ACTN4: variants seen among roughly 807,000 people sequenced by gnomAD.
The protein encoded by ACTN4 is actinin alpha 4, also known as alpha-actinin-4.
A neutral mutation model predicts 114.2 loss-of-function variants in ACTN4; 18 were observed. That is an observed-to-expected ratio of 0.16 (90% CI 0.11 to 0.23). The LOEUF is 0.23. Among genes scored for constraint, ACTN4 ranks in the 10% least tolerant of loss-of-function variants. The pLI is 1.00. For missense variants in ACTN4, 722 were observed against 1,262.9 expected, an observed-to-expected ratio of 0.57 and a Z score of 6.49; for synonymous variants, 515 against 506.3, an observed-to-expected ratio of 1.02 and a Z score of -0.23.
chr19:38,726,035 G>A (rs1969221632), intron 17 of ACTN4, 132 bp downstream of exon 17: 2 of 1,295,634 alleles, frequency 1.5e-6, no homozygotes, highest in South Asian at 2.6e-5. Context: ...TTATTGAAGA[G>A]ACCAGCACTT....
chr19:38,704,474 A>G (rs546026559), intron 3 of ACTN4, among the ~76,000 whole-genome samples: 64 of 152,362 alleles, frequency 4.2e-4, no homozygotes, highest in African/African-American at 1.3e-3. Flanking sequence ...TGTAGTGCAC[A>G]TTTGCTGACT....
intron 1 of ACTN4, among the ~76,000 whole-genome samples, chr19:38,656,444 C>G (rs1403326495): frequency 1.3e-5 from 2 of 152,252 alleles, no homozygotes; most frequent in Admixed American, 1.3e-4. Flanking sequence ...AGAAAGCACA[C>G]TGCCACCCCT....
Position 38,724,379 on chromosome 19 carries a change from G to C in ACTN4, c.1875+40G>C. ...TCCGTAGGGGCTGGGGCAGGACGGCGGGGCTGGGGGCCACCTCCCTGACCG... is the reference window on the plus strand; with the variant it reads ...TCCGTAGGGGCTGGGGCAGGACGGCCGGGCTGGGGGCCACCTCCCTGACCG... On this transcript the variant is annotated intron_variant, in intron 15 of 20. Coordinates refer to ENST00000252699, the MANE Select transcript of ACTN4 (RefSeq NM_004924.6). The surrounding 1 kb of genome is among the most constrained non-coding windows in gnomAD (Gnocchi z 7.0). The C allele has an allele frequency of 6.2e-7, 1 of 1,611,550 alleles. No individual in the cohort carries two copies. The highest frequency in any genetic ancestry group is 8.5e-7 in the Non-Finnish European group (1 of 1,179,352).
At chr19:38,728,054 A>T (rs12981131) in intron 19 of ACTN4, 28 bp downstream of exon 19, 4 of 1,589,372 alleles carry the variant, frequency 2.5e-6, no homozygotes, top group Non-Finnish European at 3.4e-6. Flanking sequence ...CCAGCGGACC[A>T]TGGCATTAAC....
At chr19:38,728,585 G>GC (rs777811275) in intron 19 of ACTN4, among the ~76,000 whole-genome samples, 6 of 152,070 alleles carry the variant, frequency 3.9e-5, no homozygotes, top group East Asian at 3.9e-4. Context: ...GACTTCCCGA[G>GC]CCCCCCTTCT....
chr19:38,650,691 T>C (rs868577613), intron 1 of ACTN4, among the ~76,000 whole-genome samples: 1 of 152,226 alleles, frequency 6.6e-6, no homozygotes, highest in Admixed American at 6.5e-5. Flanking sequence ...TGTGTGGCTC[T>C]CTACCTTCCT....
At chr19:38,663,748 A>G (rs1976964134) in intron 1 of ACTN4, among the ~76,000 whole-genome samples, 1 of 152,182 alleles carries the variant, frequency 6.6e-6, no homozygotes, top group South Asian at 2.1e-4. Context: ...TACCATGCTC[A>G]TCTTGGCCAT....
intron 1 of ACTN4, among the ~76,000 whole-genome samples, chr19:38,671,643 T>C (rs773058526): frequency 3.5e-4 from 54 of 152,348 alleles, no homozygotes; most frequent in Non-Finnish European, 5.9e-4. Context: ...GTGCAATGAA[T>C]TTGTTGACTT....
intron 1 of ACTN4, among the ~76,000 whole-genome samples, chr19:38,654,776 C>T (rs1390562591): frequency 6.6e-6 from 1 of 152,048 alleles, no homozygotes; most frequent in Non-Finnish European, 1.5e-5. Flanking sequence ...ACAAGAGAGG[C>T]ATTAACTTGG....
At chr19:38,696,021 G>A (rs1206602678) in intron 1 of ACTN4, among the ~76,000 whole-genome samples, 5 of 152,068 alleles carry the variant, frequency 3.3e-5, no homozygotes, top group Non-Finnish European at 7.4e-5. Context: ...CTGCAAAATG[G>A]AGGCAGTACT....
At chr19:38,661,903 C>T (rs892779890) in intron 1 of ACTN4, among the ~76,000 whole-genome samples, 7 of 152,186 alleles carry the variant, frequency 4.6e-5, no homozygotes, top group Non-Finnish European at 7.3e-5. Context: ...CCGCCCGCCT[C>T]GGCTTCCCAA....
intron 1 of ACTN4, among the ~76,000 whole-genome samples, chr19:38,682,517 G>A (rs1000968553): frequency 6.6e-6 from 1 of 152,156 alleles, no homozygotes; most frequent in African/African-American, 2.4e-5. Flanking sequence ...AGGTCAAGAA[G>A]TCCTGTTAGC....
In ACTN4 at chr19:38,714,510, C is replaced by T; in HGVS notation, c.861C>T (p.Val287=). Residue 287 remains valine, a synonymous_variant, in exon 9 of 21, where the codon GTC becomes GTT. Coordinates refer to ENST00000252699, the MANE Select transcript of ACTN4 (RefSeq NM_004924.6). The stretch of plus-strand genomic sequence containing the variant: ...ACCGGATCTGTAAGGTGCTGGCTGT[C>T]AACCAAGAGAACGAGCACCTGATGG... The part of the protein sequence containing the change: ...AANRICKVLA[V]NQENEHLMED... 1 of 1,613,922 alleles carries T rather than the reference C, an allele frequency of 6.2e-7. No individual in the cohort carries two copies. The highest frequency in any genetic ancestry group is 8.5e-7 in the Non-Finnish European group (1 of 1,180,022).
intron 1 of ACTN4, among the ~76,000 whole-genome samples, chr19:38,658,474 C>G (rs758235303): frequency 9.2e-5 from 14 of 152,188 alleles, no homozygotes; most frequent in Non-Finnish European, 1.8e-4. Flanking sequence ...AAATCCTTTT[C>G]TCTCTGTCAC....
intron 13 of ACTN4, 51 bp downstream of exon 13, chr19:38,723,773 G>T: frequency 6.6e-7 from 1 of 1,516,446 alleles, no homozygotes; most frequent in Non-Finnish European, 9.0e-7. Flanking sequence ...TGCTGCCCCG[G>T]GGCTGGTGGT....
In ACTN4 at chr19:38,686,088, C is replaced by T. The variant is rs796532136; in HGVS notation, c.163-14512C>T. On this transcript the variant is annotated intron_variant, in intron 1 of 20. Coordinates refer to ENST00000252699, the MANE Select transcript of ACTN4 (RefSeq NM_004924.6). ...CAGTTCCTGCACCTGGCAAGATCTA[C>T]TGGGGAATTCCCGGGGTCCCACTAG... is the stretch of plus-strand genomic sequence containing the variant. 2.0e-5 allele frequency among the ~76,000 whole-genome samples: 3 copies of T among 152,324 alleles called. No homozygotes were observed. In the South Asian group the frequency reaches 6.2e-4, roughly 32 times the overall value.
intron 8 of ACTN4, 49 bp downstream of exon 8, chr19:38,710,391 C>A (rs771874317): frequency 6.3e-7 from 1 of 1,581,866 alleles, no homozygotes; most frequent in Non-Finnish European, 8.6e-7. Flanking sequence ...CGCGCAATGC[C>A]GCCGCTGCCT....
In ACTN4 at chr19:38,731,114, G is replaced by T; in HGVS notation, c.*1682G>T. 1 of 1,611,392 alleles carries T rather than the reference G, an allele frequency of 6.2e-7. No individual in the cohort carries two copies. The highest frequency in any genetic ancestry group is 8.5e-7 in the Non-Finnish European group (1 of 1,179,192). On this transcript the variant is annotated 3_prime_UTR_variant, in exon 21 of 21. Coordinates refer to ENST00000252699, the MANE Select transcript of ACTN4 (RefSeq NM_004924.6). ...TGCCGGGGTGGTACTCACAGAAGAT[G>T]CAGGTGAGGTGGGCCACACAGGACA...
At chr19:38,663,320 G>A (rs550140581) in intron 1 of ACTN4, among the ~76,000 whole-genome samples, 2 of 152,338 alleles carry the variant, frequency 1.3e-5, no homozygotes, top group East Asian at 1.9e-4. Flanking sequence ...AGCAGCCCTC[G>A]CTGGGCCCCT....
Sources: allele counts gnomAD v4.1 joint callset (sites outside exome capture counted in the v4.1 genomes callset), GRCh38; gene constraint gnomAD v4.1.1; non-coding constraint Gnocchi (gnomAD v3.1); transcripts MANE v1.5; gene names NCBI Gene and HGNC (gene_info 2026-07-23, HGNC 2026-07-21).